ZNF107: variants seen among roughly 807,000 people sequenced by gnomAD.
ZNF107 encodes the protein C2H2 type zinc-finger protein.
ZNF107 carries 19 observed loss-of-function variants against 12.3 expected under a neutral mutation model. That is an observed-to-expected ratio of 1.55 (90% CI 1.08 to 2.27). ZNF107 has a LOEUF of 2.27. ZNF107 is among the 30% of genes most tolerant of loss of function. The pLI, the probability that ZNF107 is intolerant of heterozygous loss-of-function variation, is 0.00. For missense variants in ZNF107, 958 were observed against 979.9 expected (o/e 0.98, Z 0.30); for synonymous variants, 317 against 330.5 (o/e 0.96, Z 0.44).
chr7:64,667,050 C>T (rs1466707107), intron 1 of ZNF107, among the ~76,000 whole-genome samples: 2 of 151,962 alleles, frequency 1.3e-5, no homozygotes, highest in African/African-American at 4.8e-5. Flanking sequence ...AAGTAAAAAC[C>T]CTGGGACTAG....
chr7:64,704,344 C>T (rs1365397232), intron 3 of ZNF107, among the ~76,000 whole-genome samples: 2 of 152,102 alleles, frequency 1.3e-5, no homozygotes, highest in East Asian at 1.9e-4. Context: ...TTCCCAGGTT[C>T]AAGTGATTCT....
At chr7:64,691,087 T>C (rs965406903) in intron 1 of ZNF107, among the ~76,000 whole-genome samples, 161 bp from the exon 2 acceptor site, 3 of 152,128 alleles carry the variant, frequency 2.0e-5, no homozygotes, top group Non-Finnish European at 4.4e-5. Context: ...TTGGCCAGGA[T>C]GGTCTCAATC....
At chr7:64,673,373 T>C (rs534479206) in intron 1 of ZNF107, among the ~76,000 whole-genome samples, 1 of 152,372 alleles carries the variant, frequency 6.6e-6, no homozygotes, top group African/African-American at 2.4e-5. Flanking sequence ...TTTAGCCACA[T>C]GTATGTCTTC....
intron 1 of ZNF107, chr7:64,687,699 T>C: frequency 2.3e-6 from 1 of 435,230 alleles, no homozygotes; most frequent in Non-Finnish European, 3.1e-6. Context: ...TGACATGTGC[T>C]GTAAATTTTT....
chr7:64,677,930 A>G (rs1454370201), intron 1 of ZNF107, among the ~76,000 whole-genome samples: 1 of 152,046 alleles, frequency 6.6e-6, no homozygotes, highest in African/African-American at 2.4e-5. Context: ...AGGAGAAAAT[A>G]AAAATTAGAA....
chr7:64,674,171 G>A (rs559353252), intron 1 of ZNF107, among the ~76,000 whole-genome samples: 37 of 151,888 alleles, frequency 2.4e-4, no homozygotes, highest in African/African-American at 8.7e-4. Context: ...GAGTTTGATG[G>A]GAATAATATT....
rs759995297 is a variant in ZNF107 at position 64,708,225 on chromosome 7, T to C, written c.2128T>C (p.Cys710Arg). The change falls in exon 4 of 4, where the codon TGT becomes CGT. Residue 710 changes from cysteine (C) to arginine (R), a missense_variant. Transcript: ENST00000620827. The part of the protein sequence containing the change: ...TGEKPYQCAE[C>R]GKAFNCSSTL... ...AGAGAAACCTTACCAATGTGCAGAATGTGGCAAAGCCTTTAACTGCTCCTC... is the reference window on the plus strand; with the variant it reads ...AGAGAAACCTTACCAATGTGCAGAACGTGGCAAAGCCTTTAACTGCTCCTC... 1.9e-6 allele frequency: 3 copies of C among 1,613,542 alleles called. No individual in the cohort carries two copies. The highest frequency in any genetic ancestry group is 1.7e-4 in the Middle Eastern group (1 of 6,056).
At chr7:64,698,708 A>G (rs374717107) in intron 3 of ZNF107, among the ~76,000 whole-genome samples, 1 of 152,242 alleles carries the variant, frequency 6.6e-6, no homozygotes, top group East Asian at 1.9e-4. Flanking sequence ...GGCGTGAGCT[A>G]CCATGCCTGG....
At chr7:64,694,461 G>A (rs1370374139) in intron 3 of ZNF107, among the ~76,000 whole-genome samples, 5 of 152,094 alleles carry the variant, frequency 3.3e-5, no homozygotes, top group Non-Finnish European at 7.4e-5. Flanking sequence ...GGAACTCGGA[G>A]CTCTCTTAAA....
chr7:64,692,543 A>AT (rs1790150239), intron 3 of ZNF107, among the ~76,000 whole-genome samples: 1 of 152,154 alleles, frequency 6.6e-6, no homozygotes, highest in African/African-American at 2.4e-5. Context: ...TCTATTTTTC[A>AT]TTACTGTGAA....
intron 3 of ZNF107, among the ~76,000 whole-genome samples, chr7:64,698,617 C>T (rs1251725919): frequency 1.3e-5 from 2 of 151,970 alleles, no homozygotes; most frequent in Non-Finnish European, 2.9e-5. Context: ...GACAGGGTTT[C>T]ACCATGTTGC....
At chr7:64,686,921 T>C in intron 1 of ZNF107, 1 of 985,456 alleles carries the variant, frequency 1.0e-6, no homozygotes, top group Non-Finnish European at 1.2e-6. Flanking sequence ...CAGACCACGC[T>C]GTAACACACA....
At chr7:64,686,385 C>A in intron 1 of ZNF107, 1 of 364,902 alleles carries the variant, frequency 2.7e-6, no homozygotes, top group Non-Finnish European at 3.8e-6. Context: ...CTCATTCAAG[C>A]TATTACCAAT....
In ZNF107 at chr7:64,710,801, A is replaced by T. The variant is rs914737446; in HGVS notation, c.*2145A>T. On this transcript the variant is annotated 3_prime_UTR_variant, in exon 4 of 4. Coordinates refer to ENST00000620827, the MANE Select transcript of ZNF107 (RefSeq NM_001282359.2). ...TATTTATGACACTTTCTATGAAAGA[A>T]TAAGGACATTAAAATGTAAGATGCA... The T allele has an allele frequency of 2.8e-4, 42 of 152,278 alleles. No homozygotes were observed. The highest frequency in any genetic ancestry group is 3.4e-3 in the Middle Eastern group (1 of 294). 9.4% of individuals were successfully genotyped at this position (152,278 alleles called of 1,614,324 possible).
rs561406118 is a variant in ZNF107 at position 64,683,041 on chromosome 7, A to G, written c.4-8207A>G. 2.0e-5 allele frequency among the ~76,000 whole-genome samples: 3 copies of G among 152,316 alleles called. No homozygotes were observed. The East Asian group carries it at 5.8e-4, about 29-fold the overall frequency. On this transcript the variant is annotated intron_variant, in intron 1 of 3. Transcript: ENST00000620827. The stretch of plus-strand genomic sequence containing the variant: ...AGACCCAACCAATTTTCGCCAGCCA[A>G]GGCAGGTTATGCTATTTGTTGTGTC...
chr7:64,702,593 T>A (rs1029938035), intron 3 of ZNF107, among the ~76,000 whole-genome samples: 2 of 152,112 alleles, frequency 1.3e-5, no homozygotes, highest in Non-Finnish European at 2.9e-5. Context: ...AAAGTTTCGC[T>A]CTTGTTCAGG....
chr7:64,699,874 CT>C (rs200108061), intron 3 of ZNF107, among the ~76,000 whole-genome samples: 1,611 of 152,032 alleles, frequency 0.011, 33 homozygotes, highest in African/African-American at 0.037. Flanking sequence ...CGAGATCATC[CT>C]GGCTAACATG....
intron 2 of ZNF107, 88 bp downstream of exon 2, chr7:64,691,462 T>A: frequency 4.4e-6 from 5 of 1,142,072 alleles, no homozygotes; most frequent in Non-Finnish European, 5.7e-6. Flanking sequence ...TAATTTATGC[T>A]TTGCATAAAT....
chr7:64,668,968 T>C (rs2128955120), intron 1 of ZNF107: 1 of 151,792 alleles, frequency 6.6e-6, no homozygotes, highest in Non-Finnish European at 1.5e-5. Flanking sequence ...TTCTATATCC[T>C]ATCATCTTGA....
Sources: gnomAD v4.1 joint callset for allele counts (sites outside exome capture counted in the v4.1 genomes callset) on GRCh38, gnomAD v4.1.1 for gene constraint, MANE v1.5 for transcripts, NCBI Gene and HGNC (gene_info 2026-07-23, HGNC 2026-07-21) for gene names.